The following NT5M variants were observed in gnomAD, a reference collection of about 807,000 sequenced individuals.
The protein encoded by NT5M is 5',3'-nucleotidase, mitochondrial, also known as 5'(3')-deoxyribonucleotidase, mitochondrial.
A neutral mutation model predicts 22.2 loss-of-function variants in NT5M; 22 were observed. The observed-to-expected ratio is 0.99, with a 90% confidence interval of 0.71 to 1.41. The LOEUF (loss-of-function observed/expected upper bound fraction) is 1.41, where lower values mean the gene tolerates loss of function less well. NT5M is among the 40% of genes most tolerant of loss of function. The pLI is 0.00. For missense variants in NT5M, 322 were observed against 314.8 expected (o/e 1.02, Z -0.17); for synonymous variants, 167 against 133.0 (o/e 1.26, Z -1.76).
intron 3 of NT5M, among the ~76,000 whole-genome samples, chr17:17,329,078 T>C (rs1361846646): frequency 1.3e-5 from 2 of 152,106 alleles, no homozygotes; most frequent in Non-Finnish European, 2.9e-5. Context: ...CCCGGGTTCA[T>C]GCCATTCTCC....
intron 2 of NT5M, among the ~76,000 whole-genome samples, chr17:17,314,171 T>C (rs574143685): frequency 6.6e-6 from 1 of 152,104 alleles, no homozygotes; most frequent in East Asian, 1.9e-4. Context: ...GTACCTGGGA[T>C]TACGGGCGCC....
At chr17:17,321,541 G>A (rs1031366254) in intron 2 of NT5M, among the ~76,000 whole-genome samples, 3 of 151,928 alleles carry the variant, frequency 2.0e-5, no homozygotes, top group African/African-American at 7.3e-5. Flanking sequence ...GGGCGGGTGT[G>A]TCCTGGCTGT....
chr17:17,345,166 A>C, intron 4 of NT5M: 1 of 1,138,460 alleles, frequency 8.8e-7, no homozygotes, highest in Non-Finnish European at 1.2e-6. Context: ...TTCAGCTTCA[A>C]AGCCTTGTCT....
chr17:17,314,037 A>ATTTTTTTT, intron 2 of NT5M, among the ~76,000 whole-genome samples: 2 of 132,046 alleles, frequency 1.5e-5, no homozygotes, highest in Non-Finnish European at 1.6e-5. Context: ...ATATGAATAT[A>ATTTTTTTT]TTCTTTTTTT....
At chr17:17,341,060 T>A (rs2049632043) in intron 3 of NT5M, among the ~76,000 whole-genome samples, 1 of 152,164 alleles carries the variant, frequency 6.6e-6, no homozygotes, top group Non-Finnish European at 1.5e-5. Flanking sequence ...ATTTCCTTCA[T>A]TTCTTCATTG....
At chr17:17,319,413 T>TA (rs915128083) in intron 2 of NT5M, among the ~76,000 whole-genome samples, 3 of 152,124 alleles carry the variant, frequency 2.0e-5, no homozygotes, top group African/African-American at 7.2e-5. Context: ...TTTATTTAAT[T>TA]ATACACTTAA....
intron 2 of NT5M, among the ~76,000 whole-genome samples, chr17:17,308,340 T>C (rs945505289): frequency 3.9e-5 from 6 of 152,026 alleles, no homozygotes; most frequent in African/African-American, 7.2e-5. Flanking sequence ...ATGCCTACAA[T>C]CCCAGCACTT....
At chr17:17,307,454 T>G (rs1282467175) in intron 2 of NT5M, among the ~76,000 whole-genome samples, 1 of 150,170 alleles carries the variant, frequency 6.7e-6, no homozygotes, top group Admixed American at 6.7e-5. Flanking sequence ...TGAAACCTTA[T>G]CTCAGCCGGG....
chr17:17,315,881 A>T (rs1335651908), intron 2 of NT5M, among the ~76,000 whole-genome samples: 1 of 149,452 alleles, frequency 6.7e-6, no homozygotes, highest in African/African-American at 2.5e-5. Context: ...CCTCCCAAGT[A>T]GCTGGGACTA....
chr17:17,309,613 G>A (rs1223846104), intron 2 of NT5M, among the ~76,000 whole-genome samples: 1 of 151,210 alleles, frequency 6.6e-6, no homozygotes, highest in Non-Finnish European at 1.5e-5. Context: ...ATCCTTGTGG[G>A]TGTGAAGTGA....
intron 3 of NT5M, among the ~76,000 whole-genome samples, chr17:17,342,061 G>A (rs60434112): frequency 0.078 from 11,914 of 151,984 alleles, 836 homozygotes; most frequent in African/African-American, 0.18. Flanking sequence ...AACCCCAAAT[G>A]GGTTAAATAC....
chr17:17,310,764 A>G (rs1307231376), intron 2 of NT5M, among the ~76,000 whole-genome samples: 2 of 109,950 alleles, frequency 1.8e-5, no homozygotes, highest in Non-Finnish European at 3.6e-5. Flanking sequence ...CTTGAACCTC[A>G]GGGGGGTGGA....
rs1020487409 is a variant in NT5M at position 17,332,829 on chromosome 17, G to A, written c.429+9584G>A. ...ATAGTTTACATCAGGGTTCACTCCC[G>A]GTATCCTGCGTTCTGTGGTATTGGT... On this transcript the variant is annotated intron_variant, in intron 3 of 4. Transcript: ENST00000389022. Among the ~76,000 whole-genome samples, 16 of 152,216 alleles carry A rather than the reference G, an allele frequency of 1.1e-4. 1 individual carries two copies. Among genetic ancestry groups the A allele is most frequent in the South Asian group, 8.3e-4 (4 of 4,816 alleles).
chr17:17,343,680 T>C (rs1389783899), intron 3 of NT5M, among the ~76,000 whole-genome samples: 1 of 152,142 alleles, frequency 6.6e-6, no homozygotes, highest in Non-Finnish European at 1.5e-5. Context: ...CTGTGCAGCC[T>C]GGGCCACTCA....
At position 17,346,896 on chromosome 17, in the gene NT5M, C is replaced by T. The variant is rs908226523; in HGVS notation, c.636C>T (p.His212=). Residue 212 remains histidine (H), a synonymous_variant, in exon 5 of 5, where the codon CAC becomes CAT. Coordinates refer to ENST00000389022, the MANE Select transcript of NT5M (RefSeq NM_020201.4). The part of the protein sequence containing the change: ...LQLQPPRRRL[H]SWADDWKAIL... ...TGCAGCCCCCCCGCCGCAGGCTGCA[C>T]TCGTGGGCGGACGACTGGAAGGCCA... 1.9e-6 allele frequency: 3 copies of T among 1,610,992 alleles called. No homozygotes were observed. Among genetic ancestry groups the T allele is most frequent in the Non-Finnish European group, 2.5e-6 (3 of 1,179,956 alleles).
chr17:17,338,492 C>G (rs572218065), intron 3 of NT5M, among the ~76,000 whole-genome samples: 2 of 152,048 alleles, frequency 1.3e-5, no homozygotes, highest in Admixed American at 6.6e-5. Context: ...TGCGCCTGGC[C>G]TGGTTCTGTA....
chr17:17,330,162 T>C (rs1349372059), intron 3 of NT5M, among the ~76,000 whole-genome samples: 1 of 151,014 alleles, frequency 6.6e-6, no homozygotes, highest in African/African-American at 2.4e-5. Flanking sequence ...TAGCCGAGCG[T>C]TGTGGCGGGC....
chr17:17,315,574 G>T (rs968782168), intron 2 of NT5M, among the ~76,000 whole-genome samples: 8 of 152,044 alleles, frequency 5.3e-5, no homozygotes, highest in African/African-American at 1.7e-4. Context: ...GACAGGCCTT[G>T]CAGGCCAGGA....
At chr17:17,315,138 ATTT>A (rs35945070) in intron 2 of NT5M, among the ~76,000 whole-genome samples, 1 of 151,798 alleles carries the variant, frequency 6.6e-6, no homozygotes, top group African/African-American at 2.4e-5. Flanking sequence ...TTAAAAAAAA[ATTT>A]TTTTTTAACA....
Sources: gnomAD v4.1 joint callset for allele counts (sites outside exome capture counted in the v4.1 genomes callset) on GRCh38, gnomAD v4.1.1 for gene constraint, MANE v1.5 for transcripts, NCBI Gene and HGNC (gene_info 2026-07-23, HGNC 2026-07-21) for gene names.